ABL2: variants seen among roughly 807,000 people sequenced by gnomAD.
The protein encoded by ABL2 is ABL proto-oncogene 2, non-receptor tyrosine kinase.
Under a neutral mutation model 107.7 loss-of-function variants are expected in ABL2, and 49 were observed. The ratio of observed to expected loss-of-function variants is 0.45; its 90% confidence interval spans 0.36 to 0.58. ABL2 has a LOEUF of 0.58. Ranked by LOEUF, ABL2 falls within the 20% of genes least tolerant of loss-of-function variation. ABL2 has a pLI of 0.00. For synonymous variants in ABL2, 549 were observed against 548.6 expected (o/e 1.00, Z -0.01); for missense variants, 1,245 against 1,457.0 (o/e 0.85, Z 2.37).
chr1:179,121,914 AAT>A (rs1655238747), intron 4 of ABL2, 47 bp from the exon 5 acceptor site: 2 of 953,302 alleles, frequency 2.1e-6, no homozygotes, highest in Admixed American at 3.5e-5. Context: ...AGAGATTAAG[AAT>A]TTTTTTTTTT....
intron 1 of ABL2, among the ~76,000 whole-genome samples, chr1:179,195,203 G>A (rs1287247753): frequency 6.6e-6 from 1 of 152,114 alleles, no homozygotes; most frequent in Non-Finnish European, 1.5e-5. Context: ...CAAGAGAATC[G>A]CTGGGACCCA....
intron 1 of ABL2, among the ~76,000 whole-genome samples, chr1:179,224,343 T>A (rs1035301706): frequency 6.6e-6 from 1 of 151,894 alleles, no homozygotes; most frequent in Non-Finnish European, 1.5e-5. Context: ...CTCGGCTCAC[T>A]GCAAACTCCG....
intron 1 of ABL2, among the ~76,000 whole-genome samples, chr1:179,176,030 A>G (rs1290225696): frequency 6.6e-6 from 1 of 151,638 alleles, no homozygotes; most frequent in Non-Finnish European, 1.5e-5. Flanking sequence ...TAATTTTTGT[A>G]TTTTTAGTAG....
At chr1:179,228,208 G>A (rs1312155914) in intron 1 of ABL2, among the ~76,000 whole-genome samples, 6 of 151,230 alleles carry the variant, frequency 4.0e-5, no homozygotes, top group Admixed American at 2.0e-4. Context: ...TTAGCCGGGC[G>A]TGGTGGTGCA....
At chr1:179,201,854 T>A in intron 1 of ABL2, 1 of 1,314,794 alleles carries the variant, frequency 7.6e-7, no homozygotes, top group Non-Finnish European at 1.0e-6. Flanking sequence ...ACAAAAGGAC[T>A]CTTTGAGACA....
At chr1:179,185,237 T>C (rs1000470029) in intron 1 of ABL2, among the ~76,000 whole-genome samples, 2 of 152,196 alleles carry the variant, frequency 1.3e-5, no homozygotes, top group Non-Finnish European at 1.5e-5. Flanking sequence ...TTTGGATGGG[T>C]TAAGCGGGCA....
intron 1 of ABL2, among the ~76,000 whole-genome samples, chr1:179,210,503 C>CAAA (rs113814284): frequency 0.26 from 24,167 of 93,758 alleles, 3,430 homozygotes; most frequent in East Asian, 0.43. Context: ...CTCTAACTCA[C>CAAA]AAAAAAAAAA....
chr1:179,121,523 C>T, intron 5 of ABL2, 72 bp downstream of exon 5: 11 of 1,547,148 alleles, frequency 7.1e-6, no homozygotes, highest in Non-Finnish European at 9.7e-6. Context: ...TAAAGAAGGG[C>T]ATGCTGATAT....
intron 1 of ABL2, among the ~76,000 whole-genome samples, chr1:179,174,099 C>A (rs1226488005): frequency 6.6e-6 from 1 of 151,848 alleles, no homozygotes; most frequent in Non-Finnish European, 1.5e-5. Context: ...ACCATCCTCA[C>A]CAACATGGTG....
chr1:179,195,026 G>A (rs1044000450), intron 1 of ABL2, among the ~76,000 whole-genome samples: 16 of 152,058 alleles, frequency 1.1e-4, no homozygotes, highest in South Asian at 2.1e-4. Flanking sequence ...GGTGGCTCAC[G>A]CCTGTAATCC....
intron 1 of ABL2, among the ~76,000 whole-genome samples, chr1:179,145,134 G>C (rs1448953300): frequency 2.0e-5 from 3 of 152,114 alleles, no homozygotes; most frequent in African/African-American, 7.2e-5. Flanking sequence ...ATGATGCTAA[G>C]TGAAATAAGC....
At chr1:179,189,322 C>T (rs1292661352) in intron 1 of ABL2, among the ~76,000 whole-genome samples, 2 of 151,992 alleles carry the variant, frequency 1.3e-5, no homozygotes, top group African/African-American at 2.4e-5. Flanking sequence ...TTAGTAGAGA[C>T]GGGGTTTCAC....
chr1:179,117,827 T>G (rs1488320627), intron 7 of ABL2, among the ~76,000 whole-genome samples: 2 of 151,990 alleles, frequency 1.3e-5, no homozygotes, highest in African/African-American at 2.4e-5. Flanking sequence ...TTTTAAAAAT[T>G]CAGCCACTAG....
intron 9 of ABL2, among the ~76,000 whole-genome samples, chr1:179,112,991 T>G (rs1043786613): frequency 2.6e-5 from 4 of 152,142 alleles, no homozygotes; most frequent in African/African-American, 9.7e-5. Context: ...TGACCTCAGG[T>G]GATCCACCCG....
intron 1 of ABL2, among the ~76,000 whole-genome samples, chr1:179,222,964 GC>G (rs1004812646): frequency 2.5e-4 from 38 of 151,908 alleles, no homozygotes; most frequent in African/African-American, 8.9e-4. Flanking sequence ...ACAAAAATTA[GC>G]CAGGTGTGGT....
intron 1 of ABL2, among the ~76,000 whole-genome samples, chr1:179,139,039 C>T (rs1369457985): frequency 6.6e-6 from 1 of 152,232 alleles, no homozygotes. Context: ...GCCAGCCCAC[C>T]GGTGCTGCGC....
In ABL2 at chr1:179,126,244, C is replaced by G; in HGVS notation, c.687+133G>C. The G allele has an allele frequency of 9.1e-7, 1 of 1,096,006 alleles. No individual in the cohort carries two copies. The highest frequency in any genetic ancestry group is 1.3e-6 in the Non-Finnish European group (1 of 778,290). The allele number at this position is 1,096,006 out of a possible 1,614,324, so 67.9% of individuals were successfully genotyped here. A position where few individuals can be genotyped will look rare whatever the true frequency, so the allele number is the denominator to read the frequency against. On this transcript the variant is annotated intron_variant, in intron 4 of 11. Transcript: ENST00000502732. The surrounding 1 kb of genome is among the most constrained non-coding windows in gnomAD (Gnocchi z 4.4). ...GTACAAGCTCTAACATGCCAAAAAG[C>G]CCAAACTCACAAAGCTAGTGAATAT...
At chr1:179,207,382 G>C (rs1662037458) in intron 1 of ABL2, among the ~76,000 whole-genome samples, 1 of 152,074 alleles carries the variant, frequency 6.6e-6, no homozygotes, top group African/African-American at 2.4e-5. Context: ...TGGTAATTAA[G>C]CCTAGGCACA....
chr1:179,229,661 G>A lies in ABL2; in HGVS notation c.-264C>T, dbSNP rs1026724972. ...CGCCGCCGCCGCCGCCGCCACCGCC[G>A]CCGCCATCTTTAAACCACCGAGCGC... On this transcript the variant is annotated 5_prime_UTR_variant, in exon 1 of 12. Transcript: ENST00000502732. 6.9e-6 allele frequency: 3 copies of A among 435,920 alleles called. No individual in the cohort carries two copies. Among genetic ancestry groups the A allele is most frequent in the Admixed American group, 5.0e-5 (1 of 19,852 alleles). The allele number at this position is 435,920 out of a possible 1,614,324, so 27.0% of individuals were successfully genotyped here. A position where few individuals can be genotyped will look rare whatever the true frequency, so the allele number is the denominator to read the frequency against.
Sources: allele counts gnomAD v4.1 joint callset (sites outside exome capture counted in the v4.1 genomes callset), GRCh38; gene constraint gnomAD v4.1.1; non-coding constraint Gnocchi (gnomAD v3.1); transcripts MANE v1.5; gene names NCBI Gene and HGNC (gene_info 2026-07-23, HGNC 2026-07-21).